ADCK1: variants seen among roughly 807,000 people sequenced by gnomAD.
The protein encoded by ADCK1 is aarF domain-containing protein kinase 1.
Under a neutral mutation model 52.3 loss-of-function variants are expected in ADCK1, and 41 were observed. That is an observed-to-expected ratio of 0.78 (90% CI 0.61 to 1.02). ADCK1 has a LOEUF of 1.02. Among genes scored for constraint, ADCK1 ranks in the 50% least tolerant of loss-of-function variants. The pLI, the probability that ADCK1 is intolerant of heterozygous loss-of-function variation, is 0.00. For missense variants in ADCK1, 658 were observed against 679.5 expected (o/e 0.97, Z 0.35); for synonymous variants, 250 against 274.6 (o/e 0.91, Z 0.89).
rs560966119 is a variant in ADCK1, at chr14:77,882,182, C to T, written c.424-4909C>T. On this transcript the variant is annotated intron_variant, in intron 4 of 10. Coordinates refer to ENST00000238561, the MANE Select transcript of ADCK1 (RefSeq NM_020421.4). ...TGGGTGAAACTCTCTCCAACCACTT[C>T]CATTAGTGTGGACAGATACTTGTCT... 1.3e-3 allele frequency among the ~76,000 whole-genome samples: 191 copies of T among 152,286 alleles called. 1 individual carries two copies. The highest frequency in any genetic ancestry group is 2.0e-3 in the Admixed American group (30 of 15,298).
chr14:77,806,779 G>A (rs547119993), intron 1 of ADCK1, among the ~76,000 whole-genome samples: 5 of 150,582 alleles, frequency 3.3e-5, no homozygotes, highest in Non-Finnish European at 5.9e-5. Flanking sequence ...CAGTGGCATG[G>A]TCCCAGCTCA....
In ADCK1 at chr14:77,838,543, C is replaced by T. The variant is rs115332171; in HGVS notation, c.219+16025C>T. ...TCCCAGGTACCTGGGAATACAGGCACGTGCTGCCATGCCTGGCTAATTTTT... is the reference window on the plus strand; with the variant it reads ...TCCCAGGTACCTGGGAATACAGGCATGTGCTGCCATGCCTGGCTAATTTTT... On this transcript the variant is annotated intron_variant, in intron 3 of 10. Coordinates refer to ENST00000238561, the MANE Select transcript of ADCK1 (RefSeq NM_020421.4). Among the ~76,000 whole-genome samples the T allele has an allele frequency of 7.6e-3, 1,150 of 152,180 alleles. 16 individuals are homozygous for T. The highest frequency in any genetic ancestry group is 0.027 in the African/African-American group (1,104 of 41,510).
intron 1 of ADCK1, 100 bp from the exon 2 acceptor site, chr14:77,818,868 G>A: frequency 7.3e-7 from 1 of 1,363,990 alleles, no homozygotes; most frequent in African/African-American, 1.4e-5. Flanking sequence ...ATGATCCAAG[G>A]TCATATAATC....
Position 77,933,585 on chromosome 14 carries a change from C to T in ADCK1, c.*194C>T, listed in dbSNP as rs772833351. 1.5e-5 allele frequency: 9 copies of T among 603,338 alleles called. No homozygotes were observed. The highest frequency in any genetic ancestry group is 2.3e-5 in the Non-Finnish European group (8 of 349,252). The allele number at this position is 603,338 out of a possible 1,614,324, so 37.4% of individuals were successfully genotyped here. On this transcript the variant is annotated 3_prime_UTR_variant, in exon 11 of 11. Coordinates refer to ENST00000238561, the MANE Select transcript of ADCK1 (RefSeq NM_020421.4). ...CTTGTCTCAGGGCCCACAAGCTGAA[C>T]TGTGGCATAGCTCTCTCTTCTTCTC...
chr14:77,862,684 A>G (rs2082577339), intron 4 of ADCK1, among the ~76,000 whole-genome samples: 1 of 152,208 alleles, frequency 6.6e-6, no homozygotes, highest in Non-Finnish European at 1.5e-5. Context: ...TCTGTGCTTC[A>G]GCACCTTTTC....
chr14:77,805,138 G>A (rs184752253), intron 1 of ADCK1, among the ~76,000 whole-genome samples: 3,090 of 149,954 alleles, frequency 0.021, 105 homozygotes, highest in African/African-American at 0.069. Context: ...CCCTGGAGGC[G>A]GAGGTTGTGG....
chr14:77,800,237 C>G (rs1049952022), intron 1 of ADCK1, 67 bp downstream of exon 1: 2 of 152,364 alleles, frequency 1.3e-5, no homozygotes, highest in South Asian at 2.1e-4. Flanking sequence ...AGGGCCGCAC[C>G]GCGCCTGGAG....
At chr14:77,889,393 G>A (rs1355796365) in intron 5 of ADCK1, among the ~76,000 whole-genome samples, 2 of 152,130 alleles carry the variant, frequency 1.3e-5, no homozygotes, top group African/African-American at 4.8e-5. Flanking sequence ...CTATTTTCAG[G>A]ACACAGTTGA....
chr14:77,918,855 A>G (rs1417353294), intron 7 of ADCK1, among the ~76,000 whole-genome samples: 1 of 152,234 alleles, frequency 6.6e-6, no homozygotes, highest in Non-Finnish European at 1.5e-5. Context: ...GATCTTATCC[A>G]GTAGAGATGC....
chr14:77,913,751 T>G (rs1187499147), intron 7 of ADCK1, among the ~76,000 whole-genome samples: 1 of 152,156 alleles, frequency 6.6e-6, no homozygotes, highest in Non-Finnish European at 1.5e-5. Flanking sequence ...GACAGATGAC[T>G]GGAGGTCTGG....
chr14:77,893,737 C>CTTCCTTCCTTTCT (rs35559156), intron 5 of ADCK1, among the ~76,000 whole-genome samples: 9,044 of 50,258 alleles, frequency 0.18, 585 homozygotes, highest in South Asian at 0.37. Flanking sequence ...TCCTTCCTTC[C>CTTCCTTCCTTTCT]TTTTTTTTTT....
At position 77,814,082 on chromosome 14, in the gene ADCK1, A is replaced by T. The variant is rs371219770; in HGVS notation, c.-11-4886A>T. On this transcript the variant is annotated intron_variant, in intron 1 of 10. Transcript: ENST00000238561. Reference sequence around the variant, plus strand: ...CACGCCGAGCCTTATTTTTTTTTTTAAATTTTATTTTTCTGAGACAGGGTC... The same window carrying T: ...CACGCCGAGCCTTATTTTTTTTTTTTAATTTTATTTTTCTGAGACAGGGTC... 1.4e-3 allele frequency among the ~76,000 whole-genome samples: 206 copies of T among 148,264 alleles called. 1 individual carries two copies. The highest frequency in any genetic ancestry group is 4.0e-3 in the African/African-American group (160 of 40,156).
At chr14:77,882,065 T>C (rs1477605606) in intron 4 of ADCK1, among the ~76,000 whole-genome samples, 1 of 150,368 alleles carries the variant, frequency 6.7e-6, no homozygotes, top group Non-Finnish European at 1.5e-5. Flanking sequence ...GAGGTGGTGG[T>C]GGGTTTTCTG....
At chr14:77,898,721 A>G (rs1263302936) in intron 5 of ADCK1, among the ~76,000 whole-genome samples, 1 of 152,208 alleles carries the variant, frequency 6.6e-6, no homozygotes, top group East Asian at 1.9e-4. Context: ...ATGGGTTGAT[A>G]GGTGCAGTAA....
intron 3 of ADCK1, among the ~76,000 whole-genome samples, chr14:77,855,092 C>T (rs1322415020): frequency 1.3e-5 from 2 of 152,278 alleles, no homozygotes; most frequent in African/African-American, 4.8e-5. Flanking sequence ...CATTTTCCTG[C>T]TTTCCCCCTC....
intron 7 of ADCK1, chr14:77,908,162 C>A (rs953506141): frequency 5.6e-6 from 2 of 358,422 alleles, no homozygotes; most frequent in Admixed American, 4.3e-5. Flanking sequence ...CCTGCTTTTC[C>A]TTTGTACCAT....
intron 3 of ADCK1, among the ~76,000 whole-genome samples, chr14:77,852,700 T>TA (rs2082325301): frequency 1.0e-5 from 1 of 100,326 alleles, no homozygotes; most frequent in African/African-American, 3.7e-5. Context: ...TATATATATA[T>TA]ATATTTCACT....
chr14:77,880,353 C>T (rs1479889854), intron 4 of ADCK1, among the ~76,000 whole-genome samples: 1 of 152,218 alleles, frequency 6.6e-6, no homozygotes, highest in Non-Finnish European at 1.5e-5. Context: ...AGGAGGGCCT[C>T]AGGTTCTGCT....
intron 8 of ADCK1, 117 bp from the exon 9 acceptor site, chr14:77,925,647 G>T: frequency 4.1e-6 from 4 of 976,584 alleles, no homozygotes; most frequent in Non-Finnish European, 1.5e-6. Flanking sequence ...AGAAACAGAT[G>T]TCGTGGGAAG....
Sources: gnomAD v4.1 joint callset for allele counts (sites outside exome capture counted in the v4.1 genomes callset) on GRCh38, gnomAD v4.1.1 for gene constraint, MANE v1.5 for transcripts, NCBI Gene and HGNC (gene_info 2026-07-23, HGNC 2026-07-21) for gene names.